Variants in ABCD3 observed in about 807,000 individuals in gnomAD.
The protein encoded by ABCD3 is ATP binding cassette subfamily D member 3, also known as ATP-binding cassette sub-family D member 3.
In ABCD3, 41 loss-of-function variants were observed where a neutral mutation model predicts 105.5. That is an observed-to-expected ratio of 0.39 (90% CI 0.30 to 0.50). The LOEUF is 0.50. ABCD3 is among the 20% of genes least tolerant of loss of function. The probability of loss-of-function intolerance (pLI) is 0.84; values close to 1 mark genes in which losing one functional copy is unlikely to be tolerated. For synonymous variants in ABCD3, 258 were observed against 269.0 expected, an observed-to-expected ratio of 0.96 and a Z score of 0.40; for missense variants, 622 against 806.3, an observed-to-expected ratio of 0.77 and a Z score of 2.77.
At chr1:94,437,986 C>G (rs1659966615) in intron 1 of ABCD3, among the ~76,000 whole-genome samples, 1 of 152,044 alleles carries the variant, frequency 6.6e-6, no homozygotes, top group South Asian at 2.1e-4. Context: ...GCTTCAATCT[C>G]ATAATAAAAC....
At chr1:94,425,699 T>C (rs1659442023) in intron 1 of ABCD3, among the ~76,000 whole-genome samples, 5 of 152,208 alleles carry the variant, frequency 3.3e-5, no homozygotes, top group Admixed American at 1.3e-4. Flanking sequence ...TACCTACTCA[T>C]CATTAGGGGA....
chr1:94,469,710 G>T (rs1200497036), intron 4 of ABCD3, among the ~76,000 whole-genome samples: 1 of 143,242 alleles, frequency 7.0e-6, no homozygotes, highest in Non-Finnish European at 1.5e-5. Context: ...CTGTTGCCCA[G>T]GCTGGAGTGC....
In ABCD3 at chr1:94,418,542, C is replaced by T. The variant is rs570470448; in HGVS notation, c.64C>T (p.Leu22=). The T allele has an allele frequency of 1.9e-5, 31 of 1,604,890 alleles. 1 individual carries two copies. In the South Asian group the frequency reaches 2.9e-4, roughly 15 times the overall value. The change falls in exon 1 of 23, where the codon CTG becomes TTG. Residue 22 remains leucine, a synonymous_variant. Transcript: ENST00000370214. Reference sequence around the variant, plus strand: ...CTCGCTGGCTGGTGCCGCGTTCCTGCTGCTCTGCCTGCTCCACAAGCGGCG... The same window carrying T: ...CTCGCTGGCTGGTGCCGCGTTCCTGTTGCTCTGCCTGCTCCACAAGCGGCG... The part of the protein sequence containing the change: ...NSSLAGAAFL[L]LCLLHKRRRA...
chr1:94,385,214 A>G, the ABCD3 span, among the ~76,000 whole-genome samples: 1 of 152,166 alleles, frequency 6.6e-6, no homozygotes, highest in African/African-American at 2.4e-5. Flanking sequence ...TAGCTGACAG[A>G]AGGGGCACAT....
intron 4 of ABCD3, among the ~76,000 whole-genome samples, chr1:94,473,518 TAAGAAATAATTA>T (rs1355009086): frequency 5.3e-5 from 8 of 152,178 alleles, no homozygotes; most frequent in Non-Finnish European, 7.4e-5. Flanking sequence ...CCATTTTTAC[TAAGAAATAATTA>T]GTTATCATTC....
At chr1:94,436,584 A>C (rs1382762083) in intron 1 of ABCD3, among the ~76,000 whole-genome samples, 1 of 152,120 alleles carries the variant, frequency 6.6e-6, no homozygotes, top group Non-Finnish European at 1.5e-5. Context: ...GTTTTTTACA[A>C]ATTGAAAGTT....
chr1:94,458,737 A>G (rs1647714884), intron 2 of ABCD3, 94 bp downstream of exon 2: 9 of 1,270,750 alleles, frequency 7.1e-6, no homozygotes, highest in Middle Eastern at 2.3e-4. Flanking sequence ...TTTTATAATT[A>G]GTAGGGAACT....
At chr1:94,478,451 T>A in intron 8 of ABCD3, 136 bp downstream of exon 8, 2 of 1,222,208 alleles carry the variant, frequency 1.6e-6, no homozygotes, top group Non-Finnish European at 2.4e-6. Flanking sequence ...CCTAACAAAG[T>A]CTGGTTATAA....
In ABCD3 at chr1:94,482,948, A is replaced by T. The variant is rs1208307778; in HGVS notation, c.828-222A>T. ...CCAGGATACCTATGCCATAGGTTGC[A>T]GTCCAGCATATGATTCAGTCAGGAG... On this transcript the variant is annotated intron_variant, in intron 9 of 22. Coordinates refer to ENST00000370214, the MANE Select transcript of ABCD3 (RefSeq NM_002858.4). The T allele has an allele frequency of 7.5e-6, 4 of 531,784 alleles. No homozygotes were observed. The South Asian group carries it at 9.3e-5, about 12-fold the overall frequency. The allele number at this position is 531,784 out of a possible 1,614,324, so 32.9% of individuals were successfully genotyped here.
intron 1 of ABCD3, 82 bp from the exon 2 acceptor site, chr1:94,458,525 T>C: frequency 8.3e-7 from 1 of 1,199,104 alleles, no homozygotes; most frequent in Admixed American, 1.7e-5. Flanking sequence ...AATAATTTGG[T>C]ATATTTGACA....
intron 1 of ABCD3, among the ~76,000 whole-genome samples, chr1:94,445,870 C>A (rs1228839073): frequency 1.3e-5 from 2 of 152,130 alleles, no homozygotes; most frequent in African/African-American, 4.8e-5. Flanking sequence ...GCTCTGCGAC[C>A]TATTAGAGGG....
At chr1:94,446,240 C>T (rs187179866) in intron 1 of ABCD3, among the ~76,000 whole-genome samples, 48 of 152,342 alleles carry the variant, frequency 3.2e-4, no homozygotes, top group Non-Finnish European at 5.1e-4. Flanking sequence ...ATTCCCTCAC[C>T]CCTGGGCAAT....
At chr1:94,433,632 T>G (rs918064843) in intron 1 of ABCD3, among the ~76,000 whole-genome samples, 8 of 151,824 alleles carry the variant, frequency 5.3e-5, no homozygotes, top group Non-Finnish European at 1.2e-4. Flanking sequence ...TGGTCAGTTT[T>G]TTTTTTTTTT....
chr1:94,473,458 T>TA (rs1648583723), intron 4 of ABCD3, among the ~76,000 whole-genome samples: 1 of 152,166 alleles, frequency 6.6e-6, no homozygotes, highest in African/African-American at 2.4e-5. Flanking sequence ...TGTTAATTGT[T>TA]ATGCTAGCTT....
intron 1 of ABCD3, among the ~76,000 whole-genome samples, chr1:94,430,854 C>T (rs1271037581): frequency 1.3e-5 from 2 of 152,088 alleles, no homozygotes; most frequent in African/African-American, 4.8e-5. Context: ...AAAAATTAAA[C>T]ATTTTTGCAT....
chr1:94,508,299 T>C (rs990522424), intron 21 of ABCD3, among the ~76,000 whole-genome samples: 1 of 152,198 alleles, frequency 6.6e-6, no homozygotes, highest in African/African-American at 2.4e-5. Flanking sequence ...ATTAGATAGT[T>C]GTAGATATGC....
At chr1:94,487,842 T>C (rs1276284262) in intron 12 of ABCD3, 50 bp from the exon 13 acceptor site, 1 of 1,608,678 alleles carries the variant, frequency 6.2e-7, no homozygotes. Context: ...TAAAGCCAAA[T>C]TTTTAGTCAT....
intron 2 of ABCD3, 91 bp downstream of exon 2, chr1:94,458,734 A>C: frequency 7.7e-7 from 1 of 1,303,944 alleles, no homozygotes; most frequent in Non-Finnish European, 1.1e-6. Context: ...AAATTTTATA[A>C]TTAGTAGGGA....
intron 1 of ABCD3, among the ~76,000 whole-genome samples, chr1:94,431,680 C>T (rs370779584): frequency 2.4e-4 from 36 of 152,256 alleles, no homozygotes; most frequent in African/African-American, 8.7e-4. Context: ...CCCACCTCAG[C>T]CTCCTGAGTA....
Sources: gnomAD v4.1 joint callset for allele counts (sites outside exome capture counted in the v4.1 genomes callset) on GRCh38, gnomAD v4.1.1 for gene constraint, MANE v1.5 for transcripts, NCBI Gene and HGNC (gene_info 2026-07-23, HGNC 2026-07-21) for gene names.